The following MARCHF11 variants were observed in gnomAD, a reference collection of about 807,000 sequenced individuals.
MARCHF11 encodes the protein membrane associated ring-CH-type finger 11, also known as E3 ubiquitin-protein ligase MARCHF11.
Under a neutral mutation model 37.3 loss-of-function variants are expected in MARCHF11, and 29 were observed. The observed-to-expected ratio is 0.78, with a 90% CI of 0.58 to 1.06. MARCHF11 has a LOEUF of 1.06. MARCHF11 is among the 50% of genes least tolerant of loss of function. MARCHF11 has a pLI of 0.00. For synonymous variants in MARCHF11, 233 were observed against 228.0 expected (o/e 1.02, Z -0.20); for missense variants, 482 against 533.4 (o/e 0.90, Z 0.95).
chr5:16,150,353 T>C (rs535434670), intron 2 of MARCHF11, among the ~76,000 whole-genome samples: 2 of 149,212 alleles, frequency 1.3e-5, no homozygotes, highest in Admixed American at 6.6e-5. Flanking sequence ...AAGAGCAGAA[T>C]TGAGGATAAA....
In MARCHF11 at chr5:16,067,760, C is replaced by T. The variant is rs564980990; in HGVS notation, c.920G>A (p.Arg307Lys). Residue 307 changes from arginine to lysine, a missense_variant, in exon 4 of 4, where the codon AGA becomes AAA. Arg to Lys is a conservative substitution (Grantham distance 26, BLOSUM62 2). Coordinates refer to ENST00000332432, the MANE Select transcript of MARCHF11 (RefSeq NM_001102562.3). ...LIVHEGAAVY[R>K]VFKRWRAVNL... is the part of the protein sequence containing the mutation. ...CACAGCTCGCCAGCGCTTAAACACT[C>T]TGTAAACTGCAGCTCCTTCATGAAC... 23 of 1,613,342 alleles carry T rather than the reference C, an allele frequency of 1.4e-5. No homozygotes were observed. In the South Asian group the frequency reaches 2.4e-4, roughly 17 times the overall value.
chr5:16,110,148 GT>G (rs1737112514), intron 2 of MARCHF11, among the ~76,000 whole-genome samples: 2 of 152,144 alleles, frequency 1.3e-5, no homozygotes, highest in Admixed American at 6.5e-5. Context: ...TACAAGTGAA[GT>G]CTCATTTAAG....
chr5:16,158,333 G>A (rs923184240), intron 2 of MARCHF11, among the ~76,000 whole-genome samples: 1 of 151,946 alleles, frequency 6.6e-6, no homozygotes, highest in Non-Finnish European at 1.5e-5. Context: ...CATAGTCATT[G>A]CAGCATTATT....
chr5:16,102,023 C>T (rs1736966364), intron 2 of MARCHF11, among the ~76,000 whole-genome samples: 1 of 152,142 alleles, frequency 6.6e-6, no homozygotes, highest in African/African-American at 2.4e-5. Flanking sequence ...GGCACTGCTA[C>T]CAAGCAAGTA....
chr5:16,080,655 T>C (rs1736592822), intron 3 of MARCHF11, among the ~76,000 whole-genome samples: 2 of 152,144 alleles, frequency 1.3e-5, no homozygotes, highest in African/African-American at 4.8e-5. Flanking sequence ...CACTTGAGGG[T>C]CTCTTGCTCT....
chr5:16,095,838 G>A (rs73755723), intron 2 of MARCHF11, among the ~76,000 whole-genome samples: 7 of 152,186 alleles, frequency 4.6e-5, no homozygotes, highest in African/African-American at 1.4e-4. Context: ...CAAGTTTCCC[G>A]GTGGCAGAAG....
intron 2 of MARCHF11, 134 bp from the exon 3 acceptor site, chr5:16,091,215 T>C: frequency 1.6e-6 from 1 of 620,326 alleles, no homozygotes; most frequent in Non-Finnish European, 2.6e-6. Flanking sequence ...ATGAATTTTT[T>C]CATTTCATCC....
In MARCHF11 at chr5:16,165,716, A is replaced by G. The variant is rs572078932; in HGVS notation, c.693+12010T>C. ...CATATCAGGGGCAGATGCTATCAAC[A>G]TGACTTATCAGTGATAATGCTATCA... On this transcript the variant is annotated intron_variant, in intron 2 of 3. Transcript: ENST00000332432. Among the ~76,000 whole-genome samples the G allele has an allele frequency of 1.4e-3, 207 of 152,216 alleles. 1 individual carries two copies. The highest frequency in any genetic ancestry group is 2.1e-3 in the Non-Finnish European group (146 of 67,992).
At chr5:16,118,967 C>T (rs1279606266) in intron 2 of MARCHF11, among the ~76,000 whole-genome samples, 1 of 152,124 alleles carries the variant, frequency 6.6e-6, no homozygotes, top group African/African-American at 2.4e-5. Flanking sequence ...CTGTTAGGTT[C>T]TTGCTTTTTC....
intron 3 of MARCHF11, among the ~76,000 whole-genome samples, chr5:16,070,504 G>A (rs1477020282): frequency 1.3e-5 from 2 of 152,140 alleles, no homozygotes; most frequent in South Asian, 2.1e-4. Context: ...AGTGATGGAG[G>A]GTGCAGGGGC....
At chr5:16,130,418 A>T (rs1284516685) in intron 2 of MARCHF11, among the ~76,000 whole-genome samples, 1 of 152,100 alleles carries the variant, frequency 6.6e-6, no homozygotes, top group African/African-American at 2.4e-5. Context: ...TGTGATTTAA[A>T]ATGTGCTGGT....
At chr5:16,126,530 G>C (rs906534426) in intron 2 of MARCHF11, among the ~76,000 whole-genome samples, 2 of 152,194 alleles carry the variant, frequency 1.3e-5, no homozygotes, top group Non-Finnish European at 2.9e-5. Flanking sequence ...TGTTATAACA[G>C]CTACTTCTTT....
At chr5:16,109,103 TACACACACACACAC>T (rs3031633) in intron 2 of MARCHF11, among the ~76,000 whole-genome samples, 12 of 141,416 alleles carry the variant, frequency 8.5e-5, no homozygotes, top group East Asian at 4.2e-4. Context: ...ACATAAGAAA[TACACACACACACAC>T]ACACACACAC....
chr5:16,071,945 G>T (rs1487400407), intron 3 of MARCHF11, among the ~76,000 whole-genome samples: 1 of 151,794 alleles, frequency 6.6e-6, no homozygotes, highest in African/African-American at 2.4e-5. Context: ...ACTAGTTTTT[G>T]TGTGTTTTTT....
At chr5:16,110,784 C>G (rs1477911260) in intron 2 of MARCHF11, among the ~76,000 whole-genome samples, 1 of 152,132 alleles carries the variant, frequency 6.6e-6, no homozygotes, top group East Asian at 1.9e-4. Flanking sequence ...CGAAAACTAC[C>G]AAATTATAAA....
At chr5:16,070,893 G>GA (rs1323713288) in intron 3 of MARCHF11, among the ~76,000 whole-genome samples, 7 of 152,144 alleles carry the variant, frequency 4.6e-5, no homozygotes, top group African/African-American at 7.2e-5. Context: ...AGATTTTACT[G>GA]AAATGCAATG....
chr5:16,131,061 A>G (rs1173109380), intron 2 of MARCHF11, among the ~76,000 whole-genome samples: 1 of 152,234 alleles, frequency 6.6e-6, no homozygotes, highest in Non-Finnish European at 1.5e-5. Flanking sequence ...TCAGCAGAGG[A>G]TAGCCTGAAT....
chr5:16,179,524 C>G lies in MARCHF11; in HGVS notation c.52G>C (p.Gly18Arg). ...GGSRCRGAESGDAEPPPQPPP... is the reference protein window; with the variant it reads ...GGSRCRGAESRDAEPPPQPPP... ...GGTTGCGGGGGAGGCTCGGCGTCCC[C>G]GCTCTCCGCCCCGCGACACCGACTG... Residue 18 changes from glycine (G) to arginine (R), a missense_variant, in exon 1 of 4, where the codon GGG (glycine) becomes CGG (arginine). By Grantham distance (125) the Gly-to-Arg change is moderately radical (BLOSUM62 -2). Transcript: ENST00000332432. 2 of 1,180,516 alleles carry G rather than the reference C, an allele frequency of 1.7e-6. No individual in the cohort carries two copies. Among genetic ancestry groups the G allele is most frequent in the Non-Finnish European group, 2.1e-6 (2 of 955,390 alleles). 73.1% of individuals were successfully genotyped at this position (1,180,516 alleles called of 1,614,324 possible).
intron 2 of MARCHF11, among the ~76,000 whole-genome samples, chr5:16,169,090 C>T (rs543759826): frequency 2.8e-4 from 42 of 152,148 alleles, no homozygotes; most frequent in African/African-American, 9.4e-4. Context: ...CAAACCAAGG[C>T]AAGCCCGTGT....
Sources: gnomAD v4.1 joint callset for allele counts (sites outside exome capture counted in the v4.1 genomes callset) on GRCh38, gnomAD v4.1.1 for gene constraint, MANE v1.5 for transcripts, NCBI Gene and HGNC (gene_info 2026-07-23, HGNC 2026-07-21) for gene names.